The following TEAD1 variants were observed in gnomAD, a reference collection of about 807,000 sequenced individuals.
TEAD1 encodes the protein TEA domain transcription factor 1, also known as transcriptional enhancer factor TEF-1.
A neutral mutation model predicts 54.9 loss-of-function variants in TEAD1; 9 were observed. The ratio of observed to expected loss-of-function variants is 0.16; its 90% CI spans 0.10 to 0.29. The LOEUF is 0.29. TEAD1 is among the 10% of genes least tolerant of loss of function. The pLI is 1.00. For missense variants in TEAD1, 387 were observed against 535.9 expected (o/e 0.72, Z 2.74); for synonymous variants, 200 against 187.8 (o/e 1.07, Z -0.53).
intron 2 of TEAD1, among the ~76,000 whole-genome samples, chr11:12,694,134 A>G (rs1276089618): frequency 5.3e-5 from 8 of 152,244 alleles, no homozygotes; most frequent in Non-Finnish European, 1.0e-4. Context: ...TGCCCCAGCA[A>G]ACACATGGCA....
intron 2 of TEAD1, among the ~76,000 whole-genome samples, chr11:12,688,181 G>C (rs2133820131): frequency 6.6e-6 from 1 of 152,280 alleles, no homozygotes; most frequent in African/African-American, 2.4e-5. Flanking sequence ...CCACCCAGGT[G>C]ACCAGCTTAG....
intron 2 of TEAD1, among the ~76,000 whole-genome samples, chr11:12,739,814 A>T (rs1210318286): frequency 6.6e-6 from 1 of 152,216 alleles, no homozygotes; most frequent in Non-Finnish European, 1.5e-5. Context: ...AATACAAAGA[A>T]CACCTGTATC....
At chr11:12,734,435 T>C (rs531767035) in intron 2 of TEAD1, among the ~76,000 whole-genome samples, 2 of 152,106 alleles carry the variant, frequency 1.3e-5, no homozygotes, top group Non-Finnish European at 2.9e-5. Flanking sequence ...AAAAATAAAT[T>C]TAGTGTGGCA....
At chr11:12,726,728 G>A (rs1026281482) in intron 2 of TEAD1, among the ~76,000 whole-genome samples, 3 of 152,150 alleles carry the variant, frequency 2.0e-5, no homozygotes, top group South Asian at 2.1e-4. Context: ...GGTGGCATGC[G>A]CCTGTAGTCC....
chr11:12,840,643 T>C (rs1224725566), intron 3 of TEAD1, among the ~76,000 whole-genome samples: 1 of 152,184 alleles, frequency 6.6e-6, no homozygotes, highest in African/African-American at 2.4e-5. Flanking sequence ...TTAATAGATA[T>C]TCCCAACTCT....
intron 4 of TEAD1, among the ~76,000 whole-genome samples, chr11:12,863,979 A>G (rs1947559446): frequency 6.6e-6 from 1 of 151,918 alleles, no homozygotes; most frequent in African/African-American, 2.4e-5. Context: ...GGCTGGCTGT[A>G]TTCACACATT....
chr11:12,808,265 A>G (rs1357208736), intron 3 of TEAD1, among the ~76,000 whole-genome samples: 1 of 152,160 alleles, frequency 6.6e-6, no homozygotes, highest in African/African-American at 2.4e-5. Flanking sequence ...GGCTCATAAA[A>G]TAACGCTTAG....
chr11:12,895,137 A>C (rs555003221), intron 9 of TEAD1, among the ~76,000 whole-genome samples: 1 of 152,292 alleles, frequency 6.6e-6, no homozygotes, highest in South Asian at 2.1e-4. Context: ...AAAGAACAGC[A>C]GGGACCAGGA....
intron 2 of TEAD1, among the ~76,000 whole-genome samples, chr11:12,755,068 A>C (rs185591605): frequency 6.6e-6 from 1 of 152,348 alleles, no homozygotes; most frequent in South Asian, 2.1e-4. Context: ...GCCAGTGCCA[A>C]CATATCATTT....
intron 2 of TEAD1, among the ~76,000 whole-genome samples, chr11:12,720,741 A>C (rs1944177967): frequency 6.6e-6 from 1 of 152,160 alleles, no homozygotes; most frequent in Non-Finnish European, 1.5e-5. Context: ...TTTGCTTCTG[A>C]AGTGTTTGTT....
intron 7 of TEAD1, 148 bp from the exon 8 acceptor site, chr11:12,881,748 A>T: frequency 1.3e-6 from 1 of 775,512 alleles, no homozygotes; most frequent in Non-Finnish European, 2.3e-6. Flanking sequence ...TTATGGAACA[A>T]CTGCCTCTGC....
At chr11:12,758,408 T>TG (rs1945030240) in intron 2 of TEAD1, among the ~76,000 whole-genome samples, 1 of 139,974 alleles carries the variant, frequency 7.1e-6, no homozygotes, top group African/African-American at 2.7e-5. Flanking sequence ...CCAGCTAGTT[T>TG]TTTTTTTTTT....
chr11:12,845,859 C>A (rs1421563864), intron 3 of TEAD1, among the ~76,000 whole-genome samples: 9 of 152,200 alleles, frequency 5.9e-5, no homozygotes, highest in Admixed American at 5.9e-4. Context: ...GGGGCTGTGC[C>A]CCGCTCATGT....
intron 2 of TEAD1, among the ~76,000 whole-genome samples, chr11:12,725,448 C>T (rs1025563128): frequency 6.6e-6 from 1 of 152,112 alleles, no homozygotes; most frequent in African/African-American, 2.4e-5. Context: ...TTGTGTATTT[C>T]AAAGTAACTA....
intron 2 of TEAD1, among the ~76,000 whole-genome samples, chr11:12,695,461 T>C (rs1200975788): frequency 6.6e-6 from 1 of 152,244 alleles, no homozygotes; most frequent in Non-Finnish European, 1.5e-5. Flanking sequence ...TTAACTTCTT[T>C]TTCATGTAGA....
intron 2 of TEAD1, among the ~76,000 whole-genome samples, chr11:12,723,971 T>C (rs1391971705): frequency 6.6e-6 from 1 of 152,200 alleles, no homozygotes; most frequent in Non-Finnish European, 1.5e-5. Context: ...GATGACAAAC[T>C]CTTTTACTCT....
chr11:12,768,423 G>A (rs771251481), intron 3 of TEAD1, among the ~76,000 whole-genome samples: 3 of 152,184 alleles, frequency 2.0e-5, no homozygotes, highest in Non-Finnish European at 4.4e-5. Flanking sequence ...AGTGCTCTCT[G>A]CCAAGCACTA....
intron 10 of TEAD1, among the ~76,000 whole-genome samples, chr11:12,907,535 G>A (rs560872254): frequency 2.6e-5 from 4 of 152,144 alleles, no homozygotes; most frequent in Non-Finnish European, 4.4e-5. Flanking sequence ...ACTCCTATGT[G>A]TTTTAATTCT....
intron 10 of TEAD1, among the ~76,000 whole-genome samples, chr11:12,907,096 G>T (rs1267447835): frequency 6.6e-6 from 1 of 152,132 alleles, no homozygotes; most frequent in Non-Finnish European, 1.5e-5. Context: ...TTATGTGGTT[G>T]TACCATTTTA....
Sources: gnomAD v4.1 joint callset for allele counts (sites outside exome capture counted in the v4.1 genomes callset) on GRCh38, gnomAD v4.1.1 for gene constraint, MANE v1.5 for transcripts, NCBI Gene and HGNC (gene_info 2026-07-23, HGNC 2026-07-21) for gene names.